Variants in IDE observed in about 807,000 individuals in gnomAD.
IDE encodes insulin degrading enzyme, also known as insulin-degrading enzyme.
IDE carries 58 observed loss-of-function variants against 133.2 expected under a neutral mutation model. The ratio of observed to expected loss-of-function variants is 0.44; its 90% CI spans 0.35 to 0.54. IDE has a LOEUF of 0.54. IDE is among the 20% of genes least tolerant of loss of function. The pLI is 0.00. For synonymous variants in IDE, 396 were observed against 421.3 expected (o/e 0.94, Z 0.73); for missense variants, 981 against 1,234.0 (o/e 0.79, Z 3.07).
At chr10:92,572,802 G>T in intron 1 of IDE, 1 of 762,844 alleles carries the variant, frequency 1.3e-6, no homozygotes, top group Non-Finnish European at 1.6e-6. Flanking sequence ...TTACGCCCAC[G>T]CCAGCCCTCA....
intron 4 of IDE, among the ~76,000 whole-genome samples, chr10:92,520,986 A>T (rs1004029704): frequency 2.0e-5 from 3 of 152,204 alleles, no homozygotes; most frequent in Non-Finnish European, 4.4e-5. Context: ...CAAAAAACAA[A>T]TTAGTCACCC....
At chr10:92,500,665 A>G (rs1847956134) in intron 11 of IDE, among the ~76,000 whole-genome samples, 1 of 152,172 alleles carries the variant, frequency 6.6e-6, no homozygotes, top group African/African-American at 2.4e-5. Flanking sequence ...TTGTCTATCC[A>G]TATGATGTCA....
intron 8 of IDE, 69 bp from the exon 9 acceptor site, chr10:92,507,735 A>T: frequency 1.1e-6 from 1 of 882,020 alleles, no homozygotes; most frequent in Non-Finnish European, 1.9e-6. Flanking sequence ...GCTCACTCCT[A>T]AGGTAAAGTC....
chr10:92,556,090 G>A lies in IDE; in HGVS notation c.98+17832C>T, dbSNP rs548962431. Among the ~76,000 whole-genome samples the A allele has an allele frequency of 6.5e-3, 942 of 143,960 alleles. 4 individuals are homozygous for A. The highest frequency in any genetic ancestry group is 9.9e-3 in the Non-Finnish European group (663 of 66,790). The allele number at this position is 143,960 out of a possible 152,430, so 94.4% of individuals were successfully genotyped here. A position where few individuals can be genotyped will look rare whatever the true frequency, so the allele number is the denominator to read the frequency against. On this transcript the variant is annotated intron_variant, in intron 1 of 24. Transcript: ENST00000265986. ...CGGGAGGCTGAGGCAGGAGAATGGC[G>A]TGAACCCGGGAAGCAGAGCTTGCAG... is the stretch of plus-strand genomic sequence containing the variant.
At chr10:92,503,804 C>T (rs551291544) in intron 11 of IDE, among the ~76,000 whole-genome samples, 1 of 151,808 alleles carries the variant, frequency 6.6e-6, no homozygotes, top group South Asian at 2.1e-4. Flanking sequence ...CAGCAACCTC[C>T]ACCTCCTGGG....
chr10:92,478,141 T>G (rs1203745569), intron 15 of IDE, among the ~76,000 whole-genome samples: 10 of 152,216 alleles, frequency 6.6e-5, no homozygotes, highest in Non-Finnish European at 1.0e-4. Context: ...GATCTAGTTA[T>G]TTCTTAGATG....
intron 1 of IDE, among the ~76,000 whole-genome samples, chr10:92,544,101 C>T (rs761135863): frequency 3.9e-5 from 6 of 152,042 alleles, no homozygotes; most frequent in African/African-American, 7.3e-5. Flanking sequence ...AGCATGATGG[C>T]GCATGCCTGT....
chr10:92,542,213 G>C (rs975988830), intron 1 of IDE, among the ~76,000 whole-genome samples: 5 of 152,070 alleles, frequency 3.3e-5, no homozygotes, highest in African/African-American at 1.2e-4. Flanking sequence ...CTGTCACCCA[G>C]GCACAATCTT....
intron 11 of IDE, among the ~76,000 whole-genome samples, chr10:92,492,750 C>A (rs1195418564): frequency 1.3e-5 from 2 of 152,212 alleles, no homozygotes; most frequent in African/African-American, 2.4e-5. Context: ...TCTGATGATA[C>A]TCATTCATTT....
At chr10:92,501,447 A>AGGCGGGTG (rs1848010295) in intron 11 of IDE, among the ~76,000 whole-genome samples, 1 of 146,774 alleles carries the variant, frequency 6.8e-6, no homozygotes, top group Non-Finnish European at 1.5e-5. Context: ...CAAGGTAGGC[A>AGGCGGGTG]GATCACAAAG....
At chr10:92,463,641 T>A in intron 21 of IDE, 90 bp downstream of exon 21, 1 of 1,199,228 alleles carries the variant, frequency 8.3e-7, no homozygotes, top group Non-Finnish European at 1.2e-6. Context: ...TAACGGAATA[T>A]CACCTACAAA....
In IDE at chr10:92,557,538, C is replaced by A. The variant is rs187611104; in HGVS notation, c.98+16384G>T. Among the ~76,000 whole-genome samples, 7 of 151,506 alleles carry A rather than the reference C, an allele frequency of 4.6e-5. No individual in the cohort carries two copies. The East Asian group carries it at 1.4e-3, about 30-fold the overall frequency. On this transcript the variant is annotated intron_variant, in intron 1 of 24. Coordinates refer to ENST00000265986, the MANE Select transcript of IDE (RefSeq NM_004969.4). ...GAGAAAGACTCCATCTCAAAAAAAA[C>A]CATACAGATTAATGGAACAGAACAG... is the stretch of plus-strand genomic sequence containing the variant.
intron 22 of IDE, among the ~76,000 whole-genome samples, chr10:92,460,867 G>A (rs2135323380): frequency 6.6e-6 from 1 of 152,276 alleles, no homozygotes; most frequent in African/African-American, 2.4e-5. Flanking sequence ...TTGAGGCACA[G>A]TTTCGCTCTG....
intron 13 of IDE, among the ~76,000 whole-genome samples, chr10:92,485,331 G>T (rs1846924258): frequency 6.6e-6 from 1 of 151,948 alleles, no homozygotes; most frequent in Non-Finnish European, 1.5e-5. Context: ...ATTTTGGTCA[G>T]GCTGGTCTCG....
At chr10:92,538,553 A>G (rs1195367477) in intron 1 of IDE, among the ~76,000 whole-genome samples, 1 of 152,238 alleles carries the variant, frequency 6.6e-6, no homozygotes, top group African/African-American at 2.4e-5. Context: ...ATCTTAACAG[A>G]AATGTCAGAA....
At chr10:92,571,239 C>T (rs1361474510) in intron 1 of IDE, among the ~76,000 whole-genome samples, 1 of 152,016 alleles carries the variant, frequency 6.6e-6, no homozygotes, top group Non-Finnish European at 1.5e-5. Flanking sequence ...GTCTTGAACT[C>T]CTGACCTCAA....
At position 92,465,828 on chromosome 10, in the gene IDE, TAAAC is replaced by T; in HGVS notation, c.2332_2335del (p.Val778IlefsTer68). 6.2e-7 allele frequency: 1 copy of T among 1,614,088 alleles called. No individual in the cohort carries two copies. ...ATTGTGAACTTCATTTCTCTGCTGA[TAAAC>T]AAACCATCCTCCTAGGAAGTTTCAA... On this transcript the variant is annotated frameshift_variant, in exon 20 of 25. Transcript: ENST00000265986. LOFTEE classifies it high-confidence loss of function.
chr10:92,466,403 G>A (rs11187013), intron 19 of IDE, among the ~76,000 whole-genome samples: 15,096 of 147,926 alleles, frequency 0.1, 869 homozygotes, highest in South Asian at 0.18. Context: ...TGCAACCTCC[G>A]CCTACTGGGT....
chr10:92,540,214 G>A (rs1842227988), intron 1 of IDE, among the ~76,000 whole-genome samples: 1 of 151,342 alleles, frequency 6.6e-6, no homozygotes, highest in Admixed American at 6.6e-5. Flanking sequence ...CTGCACTCCA[G>A]CCTGGGCGCA....
Sources: allele counts gnomAD v4.1 joint callset (sites outside exome capture counted in the v4.1 genomes callset), GRCh38; gene constraint gnomAD v4.1.1; transcripts MANE v1.5; gene names NCBI Gene and HGNC (gene_info 2026-07-23, HGNC 2026-07-21).